METAP1: variants seen among roughly 807,000 people sequenced by gnomAD.
METAP1 encodes the protein methionyl aminopeptidase 1.
METAP1 carries 28 observed loss-of-function variants against 53.8 expected under a neutral mutation model. The ratio of observed to expected loss-of-function variants is 0.52; its 90% CI spans 0.39 to 0.71. The LOEUF is 0.71. METAP1 is among the 30% of genes least tolerant of loss of function. METAP1 has a pLI of 0.00. For synonymous variants in METAP1, 181 were observed against 165.7 expected (o/e 1.09, Z -0.71); for missense variants, 389 against 479.8 (o/e 0.81, Z 1.77).
At chr4:99,046,936 C>CAAAAAAAAAAAAAAAAAAAA (rs56702946) in intron 8 of METAP1, among the ~76,000 whole-genome samples, 7 of 82,204 alleles carry the variant, frequency 8.5e-5, no homozygotes, top group African/African-American at 1.1e-4. Context: ...ACTGAAGAAA[C>CAAAAAAAAAAAAAAAAAAAA]AAAAAAAAAA....
intron 1 of METAP1, among the ~76,000 whole-genome samples, chr4:99,018,009 C>G (rs1251526389): frequency 6.6e-6 from 1 of 152,224 alleles, no homozygotes; most frequent in African/African-American, 2.4e-5. Flanking sequence ...GCTTTTAATT[C>G]ATTTATTTGG....
At chr4:99,001,103 CT>C (rs1278670322) in intron 1 of METAP1, among the ~76,000 whole-genome samples, 3 of 152,208 alleles carry the variant, frequency 2.0e-5, no homozygotes, top group Admixed American at 2.0e-4. Flanking sequence ...CCCTCTGAAA[CT>C]TTCTCTGTCA....
chr4:99,040,275 T>C (rs1725762187), intron 5 of METAP1, among the ~76,000 whole-genome samples: 1 of 152,198 alleles, frequency 6.6e-6, no homozygotes, highest in Non-Finnish European at 1.5e-5. Context: ...TGAGTGGTAG[T>C]AGTGGTTGGT....
chr4:99,053,202 T>A (rs901204447), intron 9 of METAP1, among the ~76,000 whole-genome samples: 7 of 152,216 alleles, frequency 4.6e-5, no homozygotes, highest in Non-Finnish European at 1.0e-4. Flanking sequence ...CTTCCTCTCA[T>A]GCATCACACA....
chr4:99,027,286 C>T (rs901726299), intron 1 of METAP1, among the ~76,000 whole-genome samples: 7 of 151,996 alleles, frequency 4.6e-5, no homozygotes, highest in African/African-American at 1.7e-4. Context: ...GTCTAATAAC[C>T]CACTGGGGTA....
chr4:99,043,227 A>G, intron 6 of METAP1, 22 bp from the exon 7 acceptor site: 1 of 1,489,602 alleles, frequency 6.7e-7, no homozygotes, highest in Non-Finnish European at 9.0e-7. Context: ...ATATATTCCA[A>G]ATTATTTTTT....
At chr4:99,045,638 TCTC>T (rs1157066414) in intron 8 of METAP1, among the ~76,000 whole-genome samples, 2 of 152,332 alleles carry the variant, frequency 1.3e-5, no homozygotes, top group East Asian at 3.9e-4. Context: ...AATATTATGT[TCTC>T]CTCATAAAAA....
At chr4:99,021,591 G>T (rs1724112113) in intron 1 of METAP1, among the ~76,000 whole-genome samples, 1 of 152,010 alleles carries the variant, frequency 6.6e-6, no homozygotes, top group Admixed American at 6.6e-5. Flanking sequence ...ACTTTCTGCA[G>T]AAAGGGTACA....
intron 1 of METAP1, chr4:99,026,952 T>G: frequency 1.6e-6 from 1 of 628,532 alleles, no homozygotes; most frequent in Non-Finnish European, 2.0e-6. Flanking sequence ...ATCTGTTTTG[T>G]GAGACAAGTC....
chr4:99,038,231 A>C (rs2110357558), intron 4 of METAP1, among the ~76,000 whole-genome samples: 1 of 152,136 alleles, frequency 6.6e-6, no homozygotes, highest in African/African-American at 2.4e-5. Context: ...TGAAATTGAT[A>C]AGAATTTTGT....
Position 99,048,767 on chromosome 4 carries a change from CAT to C in METAP1, c.823_824del (p.Ile275TyrfsTer36). The stretch of plus-strand genomic sequence containing the variant: ...GTGTTCGGTACAGAGAATTGGGAAA[CAT>C]TATCCAGAAGCATGCCCAAGCAAAT... ...PGVRYRELGN[I>X]IQKHAQANGF... On this transcript the variant is annotated frameshift_variant, in exon 9 of 11. Coordinates refer to ENST00000296411, the MANE Select transcript of METAP1 (RefSeq NM_015143.3). LOFTEE classifies it high-confidence loss of function. 6.2e-7 allele frequency: 1 copy of C among 1,613,954 alleles called. No individual in the cohort carries two copies. Among genetic ancestry groups the C allele is most frequent in the Non-Finnish European group, 8.5e-7 (1 of 1,179,860 alleles).
intron 6 of METAP1, 132 bp downstream of exon 6, chr4:99,041,258 C>A (rs533387870): frequency 1.2e-5 from 6 of 494,634 alleles, no homozygotes; most frequent in Admixed American, 7.0e-5. Context: ...CAAATTTTTG[C>A]TTTGTTTCAA....
At chr4:99,044,430 C>G (rs1726082267) in intron 7 of METAP1, among the ~76,000 whole-genome samples, 1 of 152,078 alleles carries the variant, frequency 6.6e-6, no homozygotes, top group South Asian at 2.1e-4. Context: ...GTTAGGGTAT[C>G]TGTTCATAAA....
At chr4:99,030,082 G>A in intron 2 of METAP1, among the ~76,000 whole-genome samples, 1 of 152,152 alleles carries the variant, frequency 6.6e-6, no homozygotes, top group East Asian at 1.9e-4. Flanking sequence ...CATACATCCT[G>A]TGTTTCTAAT....
At chr4:99,031,574 T>C in intron 2 of METAP1, 1 of 1,288,066 alleles carries the variant, frequency 7.8e-7, no homozygotes, top group Non-Finnish European at 1.0e-6. Flanking sequence ...TTATTCTAAG[T>C]CTCACCTCCA....
At chr4:99,023,471 G>A (rs1724301134) in intron 1 of METAP1, 4 of 984,440 alleles carry the variant, frequency 4.1e-6, no homozygotes, top group Non-Finnish European at 4.8e-6. Flanking sequence ...TGACTACTCA[G>A]CATTCTTTCT....
At chr4:99,031,909 TG>T (rs1725065694) in intron 2 of METAP1, among the ~76,000 whole-genome samples, 1 of 152,166 alleles carries the variant, frequency 6.6e-6, no homozygotes, top group Non-Finnish European at 1.5e-5. Context: ...TTGTGATGTT[TG>T]GAAGACAGCT....
At chr4:99,025,213 T>A (rs1246871012) in intron 1 of METAP1, 3 of 270,554 alleles carry the variant, frequency 1.1e-5, no homozygotes, top group Non-Finnish European at 1.7e-5. Flanking sequence ...ACTAAGTTTT[T>A]CCCAAAGTTA....
intron 1 of METAP1, among the ~76,000 whole-genome samples, chr4:99,015,534 T>G (rs1410999173): frequency 6.6e-6 from 1 of 152,160 alleles, no homozygotes; most frequent in Non-Finnish European, 1.5e-5. Flanking sequence ...AGGCCTAAGC[T>G]CAGTACAAAC....
Sources: allele counts gnomAD v4.1 joint callset (sites outside exome capture counted in the v4.1 genomes callset), GRCh38; gene constraint gnomAD v4.1.1; transcripts MANE v1.5; gene names NCBI Gene and HGNC (gene_info 2026-07-23, HGNC 2026-07-21).